The following MATN2 variants were observed in gnomAD, a reference collection of about 807,000 sequenced individuals.
The protein encoded by MATN2 is matrilin-2.
MATN2 carries 69 observed loss-of-function variants against 103.2 expected under a neutral mutation model. That is an observed-to-expected ratio of 0.67 (90% CI 0.55 to 0.82). The LOEUF (loss-of-function observed/expected upper bound fraction) is 0.82, where lower values mean the gene tolerates loss of function less well. MATN2 is among the 40% of genes least tolerant of loss of function. MATN2 has a pLI of 0.00. For missense variants in MATN2, 1,023 were observed against 1,211.5 expected (o/e 0.84, Z 2.31); for synonymous variants, 429 against 450.2 (o/e 0.95, Z 0.60).
intron 18 of MATN2, chr8:98,034,210 C>A (rs1456031195): frequency 2.2e-6 from 1 of 454,710 alleles, no homozygotes; most frequent in African/African-American, 2.0e-5. Flanking sequence ...AAAAATGAAA[C>A]ACTCCACCAA....
chr8:97,922,207 T>C (rs1809835281), intron 2 of MATN2, among the ~76,000 whole-genome samples: 1 of 152,252 alleles, frequency 6.6e-6, no homozygotes, highest in East Asian at 1.9e-4. Flanking sequence ...CCTTGTATTC[T>C]GATGTGCTAG....
intron 2 of MATN2, among the ~76,000 whole-genome samples, chr8:97,892,564 T>C (rs1275995548): frequency 1.3e-5 from 2 of 152,068 alleles, no homozygotes; most frequent in Non-Finnish European, 2.9e-5. Context: ...TATATGAAAA[T>C]GCATGGATAT....
intron 3 of MATN2, among the ~76,000 whole-genome samples, chr8:97,932,056 G>A (rs1277740491): frequency 6.6e-6 from 1 of 152,190 alleles, no homozygotes; most frequent in Non-Finnish European, 1.5e-5. Context: ...ACAGTGTAAT[G>A]GAGGAAGAAT....
chr8:97,924,281 A>G (rs1297759380), intron 2 of MATN2, among the ~76,000 whole-genome samples: 1 of 152,200 alleles, frequency 6.6e-6, no homozygotes, highest in Non-Finnish European at 1.5e-5. Context: ...GCCTTTAAGT[A>G]GGCCTTTAAT....
chr8:97,935,683 T>G (rs888070803), intron 3 of MATN2, among the ~76,000 whole-genome samples: 1 of 152,174 alleles, frequency 6.6e-6, no homozygotes, highest in Non-Finnish European at 1.5e-5. Flanking sequence ...AAACAATGTC[T>G]TACTATGTTG....
intron 15 of MATN2, 102 bp from the exon 16 acceptor site, chr8:98,032,144 T>A (rs1166035594): frequency 5.7e-6 from 5 of 873,588 alleles, no homozygotes; most frequent in Admixed American, 5.2e-5. Context: ...AACCTTAGGT[T>A]ATGGCAGGTA....
chr8:97,965,272 A>G (rs1045561571), intron 5 of MATN2, among the ~76,000 whole-genome samples: 3 of 152,220 alleles, frequency 2.0e-5, no homozygotes, highest in African/African-American at 7.2e-5. Context: ...CCTAGATTTT[A>G]TCTCTGAAAA....
intron 2 of MATN2, among the ~76,000 whole-genome samples, chr8:97,907,865 G>C (rs2130057412): frequency 6.6e-6 from 1 of 152,244 alleles, no homozygotes; most frequent in East Asian, 1.9e-4. Context: ...ATTATTAAAA[G>C]TCACTTTGAC....
chr8:97,907,557 C>T (rs2130056378), intron 2 of MATN2, among the ~76,000 whole-genome samples: 1 of 150,284 alleles, frequency 6.7e-6, no homozygotes, highest in East Asian at 2.0e-4. Context: ...CTCCTGACCT[C>T]GTGATCCACC....
chr8:97,967,060 G>A (rs1811506472), intron 5 of MATN2, among the ~76,000 whole-genome samples: 1 of 152,030 alleles, frequency 6.6e-6, no homozygotes, highest in African/African-American at 2.4e-5. Flanking sequence ...AGAGGTAGGG[G>A]GAGGTGACAC....
chr8:97,940,500 C>T (rs1010894530), intron 3 of MATN2, among the ~76,000 whole-genome samples: 2 of 151,836 alleles, frequency 1.3e-5, no homozygotes, highest in African/African-American at 4.8e-5. Flanking sequence ...AATGAAACAG[C>T]TTTACTTCCC....
intron 2 of MATN2, among the ~76,000 whole-genome samples, chr8:97,899,596 C>T (rs1050115779): frequency 6.6e-6 from 1 of 152,166 alleles, no homozygotes; most frequent in Non-Finnish European, 1.5e-5. Context: ...CTGTGAGTGT[C>T]CAGACTTCCT....
At chr8:97,949,775 G>T (rs1050319316) in intron 4 of MATN2, among the ~76,000 whole-genome samples, 3 of 152,160 alleles carry the variant, frequency 2.0e-5, no homozygotes, top group Non-Finnish European at 4.4e-5. Context: ...CAGATGAATG[G>T]GTGATACACT....
rs1319516309 is a variant in MATN2, at chr8:98,027,836, T to G, written c.2356+7T>G. On this transcript the variant is annotated splice_region_variant and intron_variant, in intron 14 of 18. Coordinates refer to ENST00000254898, the MANE Select transcript of MATN2 (RefSeq NM_002380.5). ...AGTAAAGCCAAGGCCAATGGTAATA[T>G]GGGGTGGAGGTGCGGTTTACACCAC... 1.3e-6 allele frequency: 2 copies of G among 1,551,798 alleles called. No homozygotes were observed. The highest frequency in any genetic ancestry group is 4.1e-5 in the Admixed American group (2 of 48,912).
intron 2 of MATN2, among the ~76,000 whole-genome samples, chr8:97,894,874 C>T (rs558244068): frequency 8.0e-4 from 122 of 151,728 alleles, no homozygotes; most frequent in African/African-American, 2.8e-3. Flanking sequence ...TATTTATTAA[C>T]CCCCCCTTTT....
intron 10 of MATN2, among the ~76,000 whole-genome samples, chr8:98,015,125 C>T (rs1028025081): frequency 2.6e-5 from 4 of 152,154 alleles, no homozygotes; most frequent in East Asian, 1.9e-4. Flanking sequence ...ACCTGGGAGT[C>T]TTCCTTGACT....
chr8:97,881,157 G>A (rs918575122), intron 1 of MATN2, among the ~76,000 whole-genome samples: 8 of 152,182 alleles, frequency 5.3e-5, no homozygotes, highest in African/African-American at 1.9e-4. Flanking sequence ...TTGTCTGGAG[G>A]TGGGGTTACC....
intron 4 of MATN2, among the ~76,000 whole-genome samples, chr8:97,948,085 G>A (rs1022757492): frequency 1.3e-5 from 2 of 152,096 alleles, no homozygotes; most frequent in Non-Finnish European, 2.9e-5. Flanking sequence ...ATTACTCTTG[G>A]GGGCCATTTT....
intron 2 of MATN2, among the ~76,000 whole-genome samples, chr8:97,894,458 C>CTACAGT (rs994471709): frequency 2.7e-5 from 4 of 150,208 alleles, no homozygotes; most frequent in African/African-American, 9.8e-5. Context: ...CTAACTGGGA[C>CTACAGT]TACAGTCATG....
Sources: allele counts gnomAD v4.1 joint callset (sites outside exome capture counted in the v4.1 genomes callset), GRCh38; gene constraint gnomAD v4.1.1; transcripts MANE v1.5; gene names NCBI Gene and HGNC (gene_info 2026-07-23, HGNC 2026-07-21).